Variants in COL28A1 observed in about 807,000 individuals in gnomAD.
The protein encoded by COL28A1 is collagen type XXVIII alpha 1 chain.
In COL28A1, 161 loss-of-function variants were observed where a neutral mutation model predicts 150.2. The observed-to-expected ratio is 1.07, with a 90% CI of 0.94 to 1.22. COL28A1 has a LOEUF of 1.22. Ranked by LOEUF, COL28A1 falls within the 50% of genes most tolerant of loss-of-function variation. COL28A1 has a pLI of 0.00. For missense variants in COL28A1, 1,617 were observed against 1,388.3 expected (o/e 1.16, Z -2.62); for synonymous variants, 552 against 469.7 (o/e 1.18, Z -2.26).
intron 15 of COL28A1, among the ~76,000 whole-genome samples, chr7:7,459,062 A>C (rs1465826498): frequency 6.6e-6 from 1 of 152,230 alleles, no homozygotes; most frequent in African/African-American, 2.4e-5. Context: ...GAAAGGAAGA[A>C]AGGAAAAAGA....
chr7:7,437,940 T>A (rs572828817), intron 21 of COL28A1, among the ~76,000 whole-genome samples: 2 of 152,182 alleles, frequency 1.3e-5, no homozygotes, highest in African/African-American at 4.8e-5. Context: ...TTTTAAGAAG[T>A]AGAACCCCTA....
chr7:7,480,522 T>G (rs1789300838), intron 13 of COL28A1, among the ~76,000 whole-genome samples: 1 of 152,056 alleles, frequency 6.6e-6, no homozygotes, highest in Non-Finnish European at 1.5e-5. Context: ...AAACCAAAAG[T>G]GCCAAGCCAA....
At chr7:7,447,844 C>G (rs1786381290) in intron 18 of COL28A1, among the ~76,000 whole-genome samples, 1 of 152,088 alleles carries the variant, frequency 6.6e-6, no homozygotes, top group African/African-American at 2.4e-5. Context: ...CACCAGTGAA[C>G]TGTGAAATAA....
chr7:7,390,025 T>G (rs932889058), intron 27 of COL28A1, among the ~76,000 whole-genome samples: 3 of 152,224 alleles, frequency 2.0e-5, no homozygotes, highest in South Asian at 4.1e-4. Flanking sequence ...CTTCCAATAC[T>G]ATGTTGAATA....
At chr7:7,485,697 C>T (rs557907744) in intron 13 of COL28A1, among the ~76,000 whole-genome samples, 8 of 152,218 alleles carry the variant, frequency 5.3e-5, no homozygotes, top group Middle Eastern at 3.4e-3. Flanking sequence ...TAACCAATTG[C>T]GCCAGCACCA....
chr7:7,360,644 T>C, intron 33 of COL28A1, 116 bp from the exon 34 acceptor site: 1 of 833,528 alleles, frequency 1.2e-6, no homozygotes, highest in Non-Finnish European at 1.8e-6. Context: ...CCTAGCTCTC[T>C]GATACTAACT....
chr7:7,368,922 A>C (rs1464162221), intron 33 of COL28A1, among the ~76,000 whole-genome samples: 3 of 152,214 alleles, frequency 2.0e-5, no homozygotes, highest in Non-Finnish European at 4.4e-5. Context: ...TTCATAATGC[A>C]TCTTGTACTT....
chr7:7,361,583 T>G (rs1408040529), intron 33 of COL28A1, among the ~76,000 whole-genome samples: 1 of 152,244 alleles, frequency 6.6e-6, no homozygotes, highest in Non-Finnish European at 1.5e-5. Context: ...TACATTTCTC[T>G]AATGACCAGT....
intron 27 of COL28A1, among the ~76,000 whole-genome samples, chr7:7,385,135 G>A (rs73047822): frequency 3.3e-5 from 5 of 152,168 alleles, no homozygotes; most frequent in African/African-American, 1.2e-4. Context: ...GAAAACAAAC[G>A]CAAATAGTAT....
intron 20 of COL28A1, among the ~76,000 whole-genome samples, chr7:7,443,121 G>C (rs1290701511): frequency 6.6e-6 from 1 of 151,892 alleles, no homozygotes; most frequent in Non-Finnish European, 1.5e-5. Context: ...TGATGAATTT[G>C]TATAGTCTCA....
intron 27 of COL28A1, among the ~76,000 whole-genome samples, chr7:7,414,227 A>T (rs1783943974): frequency 6.6e-6 from 1 of 152,216 alleles, no homozygotes; most frequent in South Asian, 2.1e-4. Flanking sequence ...CTTCTGACTT[A>T]ATCTGTGGGA....
rs1337072687 is a variant in COL28A1, at chr7:7,442,367, C to T, written c.1650+1218G>A. Among the ~76,000 whole-genome samples the T allele has an allele frequency of 5.9e-5, 9 of 152,132 alleles. No homozygotes were observed. The South Asian group carries it at 6.2e-4, about 11-fold the overall frequency. ...TCCTTAGAGACATTGTTCATTCTCA[C>T]GGCTTCAATTATTAACTCCAAGCGC... is the stretch of plus-strand genomic sequence containing the variant. On this transcript the variant is annotated intron_variant, in intron 20 of 34. Coordinates refer to ENST00000399429, the MANE Select transcript of COL28A1 (RefSeq NM_001037763.3).
intron 18 of COL28A1, among the ~76,000 whole-genome samples, chr7:7,450,922 TA>T (rs1390092118): frequency 2.6e-5 from 4 of 152,196 alleles, no homozygotes; most frequent in Non-Finnish European, 5.9e-5. Context: ...TGCAGAATGA[TA>T]TATCATGTAA....
intron 13 of COL28A1, among the ~76,000 whole-genome samples, chr7:7,484,965 G>T (rs1779542138): frequency 6.6e-6 from 1 of 152,036 alleles, no homozygotes; most frequent in African/African-American, 2.4e-5. Flanking sequence ...CAGACACTGG[G>T]GCCCACTTGA....
At chr7:7,380,182 G>A (rs187744865) in intron 30 of COL28A1, among the ~76,000 whole-genome samples, 45 of 152,276 alleles carry the variant, frequency 3.0e-4, no homozygotes, top group Non-Finnish European at 5.3e-4. Context: ...ACAGGGAAAC[G>A]TTTATAGATG....
rs1781109545 is a variant in COL28A1, at chr7:7,511,088, T to A, written c.927+3A>T. 6.2e-7 allele frequency: 1 copy of A among 1,612,740 alleles called. No individual in the cohort carries two copies. ...GTAAGCAGTTTAAAAACATGTTCCT[T>A]ACCTTGTCACCTTTTATCCCTGGTT... On this transcript the variant is annotated splice_donor_region_variant and intron_variant, in intron 9 of 34. Transcript: ENST00000399429.
intron 15 of COL28A1, among the ~76,000 whole-genome samples, chr7:7,461,903 G>C (rs745636507): frequency 1.3e-5 from 2 of 152,104 alleles, no homozygotes; most frequent in Non-Finnish European, 2.9e-5. Flanking sequence ...ATGCTCTCTT[G>C]AAAACACCAC....
chr7:7,432,667 G>C lies in COL28A1; in HGVS notation c.1894C>G (p.Pro632Ala), dbSNP rs1230022054. The C allele has an allele frequency of 4.3e-6, 7 of 1,613,930 alleles. No homozygotes were observed. The highest frequency in any genetic ancestry group is 5.1e-6 in the Non-Finnish European group (6 of 1,179,978). ...VQGPRGPVGA[P>A]GLKGDGYPGV... ...GGATAGCCATCACCTTTGAGTCCTG[G>C]AGCACCCACTGGTCCCCGAGGGCCT... Residue 632 changes from proline to alanine, a missense_variant, in exon 24 of 35, where the codon CCA becomes GCA. Transcript: ENST00000399429.
intron 27 of COL28A1, among the ~76,000 whole-genome samples, chr7:7,388,270 T>C (rs1782316557): frequency 6.6e-6 from 1 of 152,156 alleles, no homozygotes; most frequent in African/African-American, 2.4e-5. Context: ...GTGTTCAGTT[T>C]CCTGTTCTTA....
Sources: allele counts gnomAD v4.1 joint callset (sites outside exome capture counted in the v4.1 genomes callset), GRCh38; gene constraint gnomAD v4.1.1; transcripts MANE v1.5; gene names NCBI Gene and HGNC (gene_info 2026-07-23, HGNC 2026-07-21).